KHDRBS3: variants seen among roughly 807,000 people sequenced by gnomAD.
KHDRBS3 encodes KH domain-containing, RNA-binding, signal transduction-associated protein 3.
KHDRBS3 carries 23 observed loss-of-function variants against 45.6 expected under a neutral mutation model. That is an observed-to-expected ratio of 0.50 (90% CI 0.36 to 0.72). The LOEUF is 0.72. Among genes scored for constraint, KHDRBS3 ranks in the 30% least tolerant of loss-of-function variants. KHDRBS3 has a pLI of 0.00. For synonymous variants in KHDRBS3, 162 were observed against 156.5 expected (o/e 1.04, Z -0.26); for missense variants, 352 against 424.8 (o/e 0.83, Z 1.51).
intron 4 of KHDRBS3, among the ~76,000 whole-genome samples, chr8:135,655,690 A>G (rs1831518269): frequency 6.6e-6 from 1 of 152,174 alleles, no homozygotes; most frequent in South Asian, 2.1e-4. Context: ...AGAAGTCAAC[A>G]TCACCACAAT....
intron 1 of KHDRBS3, among the ~76,000 whole-genome samples, chr8:135,491,360 A>G (rs970887751): frequency 1.2e-4 from 19 of 152,078 alleles, no homozygotes; most frequent in African/African-American, 3.9e-4. Context: ...GTACCTAAGG[A>G]GGGAAATTCT....
chr8:135,656,205 T>A (rs1473638910), intron 4 of KHDRBS3: 1 of 152,230 alleles, frequency 6.6e-6, no homozygotes, highest in East Asian at 1.9e-4. Flanking sequence ...TACAAATATA[T>A]TTCATTTTCC....
At chr8:135,624,469 T>C (rs1177578295) in intron 7 of KHDRBS3, among the ~76,000 whole-genome samples, 2 of 152,058 alleles carry the variant, frequency 1.3e-5, no homozygotes, top group African/African-American at 2.4e-5. Flanking sequence ...ACTGGAAAAA[T>C]AGAAATGCTT....
Position 135,596,510 on chromosome 8 carries a change from C to T in KHDRBS3, c.808-10445C>T, listed in dbSNP as rs538420926. Among the ~76,000 whole-genome samples, 4 of 152,212 alleles carry T rather than the reference C, an allele frequency of 2.6e-5. No individual in the cohort carries two copies. The East Asian group carries it at 7.7e-4, about 29-fold the overall frequency. On this transcript the variant is annotated intron_variant, in intron 6 of 8. Transcript: ENST00000355849. ...TAAGGTTAACCTAGACTTACTAATTCCCCTATCCTGGAGAAATATAGCAAC... is the reference window on the plus strand; with the variant it reads ...TAAGGTTAACCTAGACTTACTAATTTCCCTATCCTGGAGAAATATAGCAAC...
intron 1 of KHDRBS3, among the ~76,000 whole-genome samples, chr8:135,469,650 T>TC (rs1248877382): frequency 2.0e-5 from 3 of 151,330 alleles, no homozygotes; most frequent in Non-Finnish European, 4.4e-5. Context: ...CGCCTCAGCC[T>TC]CCCCAGTAGC....
chr8:135,618,800 C>A (rs536467424), intron 7 of KHDRBS3, among the ~76,000 whole-genome samples: 4 of 152,154 alleles, frequency 2.6e-5, no homozygotes, highest in Non-Finnish European at 2.9e-5. Context: ...CTCAATTTTC[C>A]CACCTACAAA....
intron 1 of KHDRBS3, chr8:135,458,292 C>A: frequency 1.4e-6 from 1 of 732,552 alleles, no homozygotes; most frequent in Non-Finnish European, 1.8e-6. Flanking sequence ...TGAATTATGT[C>A]ATGGAAGGGG....
intron 2 of KHDRBS3, among the ~76,000 whole-genome samples, chr8:135,534,044 G>A (rs940203095): frequency 6.6e-6 from 1 of 152,110 alleles, no homozygotes; most frequent in Non-Finnish European, 1.5e-5. Flanking sequence ...AAAATCCTAA[G>A]TTGAACCATT....
In KHDRBS3 at chr8:135,548,734, TTC is replaced by T; in HGVS notation, c.325-18_325-17del. On this transcript the variant is annotated intron_variant, in intron 3 of 8. Coordinates refer to ENST00000355849, the MANE Select transcript of KHDRBS3 (RefSeq NM_006558.3). ...ATAATGACACGTTTTTAAATGTGAT[TTC>T]TTTTTTCCTTTTTCCAGGAAGAAGA... 6.7e-7 allele frequency: 1 copy of T among 1,499,614 alleles called. No homozygotes were observed. Among genetic ancestry groups the T allele is most frequent in the Non-Finnish European group, 8.9e-7 (1 of 1,121,090 alleles). 92.9% of individuals were successfully genotyped at this position (1,499,614 alleles called of 1,614,324 possible).
intron 1 of KHDRBS3, among the ~76,000 whole-genome samples, chr8:135,520,031 C>T (rs1824828653): frequency 6.6e-6 from 1 of 152,194 alleles, no homozygotes; most frequent in African/African-American, 2.4e-5. Context: ...TGGAGCCAAA[C>T]AAATCTGAGG....
intron 1 of KHDRBS3, among the ~76,000 whole-genome samples, chr8:135,479,168 A>T (rs1439511252): frequency 2.6e-5 from 4 of 152,212 alleles, no homozygotes; most frequent in Non-Finnish European, 4.4e-5. Context: ...TACAGAAAGG[A>T]TTATAGGGAA....
At position 135,644,927 on chromosome 8, in the gene KHDRBS3, C is replaced by T. The variant is rs1042618893; in HGVS notation, c.891-132C>T. 2.3e-5 allele frequency: 20 copies of T among 880,750 alleles called. 1 individual carries two copies. Among genetic ancestry groups the T allele is most frequent in the Admixed American group, 1.1e-4 (5 of 46,916 alleles). 54.6% of individuals were successfully genotyped at this position (880,750 alleles called of 1,614,324 possible). On this transcript the variant is annotated intron_variant, in intron 7 of 8. Transcript: ENST00000355849. The stretch of plus-strand genomic sequence containing the variant: ...CTTCTGCTTTAGAACTCTGTGATCT[C>T]GGTGGGAATTTCTTTGAATTTTCAG...
chr8:135,569,089 G>A (rs1193462942), intron 5 of KHDRBS3, among the ~76,000 whole-genome samples: 3 of 151,764 alleles, frequency 2.0e-5, no homozygotes, highest in African/African-American at 7.3e-5. Flanking sequence ...TCACCATTAG[G>A]AGCCCTGTAG....
At chr8:135,623,381 C>A (rs1464745598) in intron 7 of KHDRBS3, among the ~76,000 whole-genome samples, 1 of 152,130 alleles carries the variant, frequency 6.6e-6, no homozygotes, top group Non-Finnish European at 1.5e-5. Context: ...AATGTGTGAC[C>A]TTGAGCGAGC....
intron 5 of KHDRBS3, among the ~76,000 whole-genome samples, chr8:135,579,565 G>C (rs1407906697): frequency 6.6e-6 from 1 of 152,286 alleles, no homozygotes; most frequent in Admixed American, 6.5e-5. Context: ...TCGAACTCCT[G>C]ATCTCAAGTG....
chr8:135,643,309 A>G (rs951197991), intron 7 of KHDRBS3, among the ~76,000 whole-genome samples: 12 of 152,132 alleles, frequency 7.9e-5, no homozygotes, highest in Non-Finnish European at 1.5e-4. Context: ...GCCATTCATG[A>G]CACACTACAC....
intron 5 of KHDRBS3, among the ~76,000 whole-genome samples, chr8:135,568,293 T>TA (rs1400304660): frequency 6.6e-6 from 1 of 152,156 alleles, no homozygotes; most frequent in African/African-American, 2.4e-5. Flanking sequence ...GAATTTATTC[T>TA]AAAAAATAGG....
chr8:135,561,493 C>T (rs1048891390), intron 5 of KHDRBS3, among the ~76,000 whole-genome samples: 1 of 151,768 alleles, frequency 6.6e-6, no homozygotes, highest in East Asian at 1.9e-4. Context: ...AACCTCTCCT[C>T]TCTGCTTGGT....
chr8:135,602,707 A>G (rs1829272106), intron 6 of KHDRBS3, among the ~76,000 whole-genome samples: 1 of 152,210 alleles, frequency 6.6e-6, no homozygotes, highest in Non-Finnish European at 1.5e-5. Context: ...CATTTTGCCC[A>G]ACTGTGTGCA....
Sources: gnomAD v4.1 joint callset for allele counts (sites outside exome capture counted in the v4.1 genomes callset) on GRCh38, gnomAD v4.1.1 for gene constraint, MANE v1.5 for transcripts, NCBI Gene and HGNC (gene_info 2026-07-23, HGNC 2026-07-21) for gene names.